Variants in CFAP69 observed in about 807,000 individuals in gnomAD.
CFAP69 encodes cilia- and flagella-associated protein 69.
A neutral mutation model predicts 123.0 loss-of-function variants in CFAP69; 92 were observed. That is an observed-to-expected ratio of 0.75 (90% CI 0.63 to 0.89). The LOEUF (loss-of-function observed/expected upper bound fraction) is 0.89. CFAP69 is among the 40% of genes least tolerant of loss of function. The probability of loss-of-function intolerance (pLI) is 0.00; values close to 1 mark genes in which losing one functional copy is unlikely to be tolerated. For missense variants in CFAP69, 1,067 were observed against 1,096.9 expected (o/e 0.97, Z 0.39); for synonymous variants, 380 against 364.3 (o/e 1.04, Z -0.49).
chr7:90,293,688 G>C (rs1446550716), intron 15 of CFAP69, among the ~76,000 whole-genome samples: 1 of 152,106 alleles, frequency 6.6e-6, no homozygotes, highest in Non-Finnish European at 1.5e-5. Flanking sequence ...TCAAATACTT[G>C]TTACGCTGTT....
the CFAP69 span, among the ~76,000 whole-genome samples, chr7:90,323,452 G>A: frequency 6.6e-6 from 1 of 152,154 alleles, no homozygotes; most frequent in Non-Finnish European, 1.5e-5. Context: ...GGTATCTACA[G>A]TAAAAAGTGA....
At chr7:90,260,987 G>A (rs1467572060) in intron 3 of CFAP69, among the ~76,000 whole-genome samples, 1 of 152,068 alleles carries the variant, frequency 6.6e-6, no homozygotes, top group East Asian at 1.9e-4. Flanking sequence ...AAAAGGCTAG[G>A]AGTAATAAGA....
chr7:90,250,154 G>A (rs1796789154), intron 1 of CFAP69, among the ~76,000 whole-genome samples: 1 of 149,166 alleles, frequency 6.7e-6, no homozygotes, highest in African/African-American at 2.5e-5. Flanking sequence ...GCTAGCCTGG[G>A]CAACATAGGG....
chr7:90,321,627 C>G, the CFAP69 span, among the ~76,000 whole-genome samples: 1 of 151,844 alleles, frequency 6.6e-6, no homozygotes, highest in African/African-American at 2.4e-5. Context: ...CCCACCCATG[C>G]TCCACACCGT....
At position 90,288,243 on chromosome 7, in the gene CFAP69, G is replaced by A. The variant is rs369319931; in HGVS notation, c.1666G>A (p.Gly556Arg). ...ENHIQRKEIF[G>R]TEGVDIVLHV... ...CAAATATCTTAAACAGGAAATTTTC[G>A]GAACTGAAGGAGTAGATATCGTTCT... Residue 556 changes from glycine (G) to arginine (R), a missense_variant, in exon 15 of 23, where the codon GGA becomes AGA. Coordinates refer to ENST00000389297, the MANE Select transcript of CFAP69 (RefSeq NM_001039706.3). The A allele has an allele frequency of 1.3e-4, 209 of 1,602,596 alleles. No homozygotes were observed. The highest frequency in any genetic ancestry group is 1.5e-4 in the Non-Finnish European group (180 of 1,172,462).
At chr7:90,257,186 C>T (rs772339756) in intron 2 of CFAP69, among the ~76,000 whole-genome samples, 10 of 152,008 alleles carry the variant, frequency 6.6e-5, no homozygotes, top group South Asian at 6.2e-4. Flanking sequence ...TGGTACATGA[C>T]GTAGAAAAAA....
rs1218953302 is a variant in CFAP69 at position 90,306,959 on chromosome 7, T to C, written c.2324T>C (p.Val775Ala). 2 of 1,584,320 alleles carry C rather than the reference T, an allele frequency of 1.3e-6. No homozygotes were observed. Among genetic ancestry groups the C allele is most frequent in the East Asian group, 2.2e-5 (1 of 44,628 alleles). The change falls in exon 20 of 23, where the codon GTC (valine) becomes GCC (alanine). Residue 775 changes from valine (V) to alanine (A), a missense_variant. Transcript: ENST00000389297. ...ATAAAATTAGAAAAATTAAGACCAG[T>C]CACTACAGATAAAAAAGCTTTGGAA... ...EEIKLEKLRP[V>A]TTDKKALEAI...
intron 18 of CFAP69, chr7:90,304,407 G>T: frequency 1.0e-6 from 1 of 991,540 alleles, no homozygotes; most frequent in East Asian, 5.2e-5. Context: ...AGTCACTTGA[G>T]TTTTTTTTTT....
In CFAP69 at chr7:90,268,269, G is replaced by A. The variant is rs1016650925; in HGVS notation, c.434-17G>A. On this transcript the variant is annotated splice_polypyrimidine_tract_variant and intron_variant, in intron 5 of 22. Coordinates refer to ENST00000389297, the MANE Select transcript of CFAP69 (RefSeq NM_001039706.3). Reference sequence around the variant, plus strand: ...ATGACAGTGTTGTTAAATAGCACCTGTTTATCTTTCTGGCAGGTGACTTAA... The same window carrying A: ...ATGACAGTGTTGTTAAATAGCACCTATTTATCTTTCTGGCAGGTGACTTAA... The A allele has an allele frequency of 7.1e-6, 11 of 1,551,308 alleles. No homozygotes were observed. The African/African-American group carries it at 1.4e-4, about 19-fold the overall frequency.
At chr7:90,252,395 T>C (rs1562835494) in intron 1 of CFAP69, among the ~76,000 whole-genome samples, 1 of 152,154 alleles carries the variant, frequency 6.6e-6, no homozygotes, top group Non-Finnish European at 1.5e-5. Flanking sequence ...TGGCTGGGCA[T>C]GTTGGCTCAT....
In CFAP69 at chr7:90,245,464, G is replaced by T; in HGVS notation, c.40G>T (p.Glu14Ter). 1 of 1,556,948 alleles carries T rather than the reference G, an allele frequency of 6.4e-7. No individual in the cohort carries two copies. The highest frequency in any genetic ancestry group is 8.7e-7 in the Non-Finnish European group (1 of 1,155,002). Residue 14 changes from glutamate to a stop codon, truncating the protein, a stop_gained, in exon 1 of 23, where the codon GAA (glutamate) becomes TAA (stop). Transcript: ENST00000389297. LOFTEE classifies it high-confidence loss of function. Reference sequence around the variant, plus strand: ...AGCCGGGGCGACCGCCGAGGCCCAGGAATCCGGCATCAGGAACAAGTCTAG... The same window carrying T: ...AGCCGGGGCGACCGCCGAGGCCCAGTAATCCGGCATCAGGAACAAGTCTAG... The part of the protein sequence containing the change: ...EEAGATAEAQ[E>*]SGIRNKSSSS...
intron 15 of CFAP69, among the ~76,000 whole-genome samples, chr7:90,294,375 C>T (rs981255551): frequency 4.6e-5 from 7 of 152,140 alleles, no homozygotes; most frequent in Admixed American, 4.6e-4. Context: ...GAACATCATT[C>T]TACTTTTTAC....
intron 13 of CFAP69, among the ~76,000 whole-genome samples, chr7:90,283,796 A>G (rs1405765723): frequency 2.0e-5 from 3 of 152,128 alleles, no homozygotes; most frequent in Admixed American, 1.3e-4. Flanking sequence ...CTAGATGTCA[A>G]TTAATTATAA....
At chr7:90,295,684 T>G (rs1467955715) in intron 15 of CFAP69, among the ~76,000 whole-genome samples, 1 of 151,846 alleles carries the variant, frequency 6.6e-6, no homozygotes, top group Non-Finnish European at 1.5e-5. Flanking sequence ...TCAGGGTGAG[T>G]CCACAGAGTA....
chr7:90,317,766 A>T, the CFAP69 span: 1 of 152,142 alleles, frequency 6.6e-6, no homozygotes, highest in African/African-American at 2.4e-5. Context: ...ATCAAGTCAA[A>T]CCATCAGGCA....
chr7:90,314,852 C>T (rs1794637717), downstream of CFAP69, among the ~76,000 whole-genome samples: 1 of 151,552 alleles, frequency 6.6e-6, no homozygotes, highest in Non-Finnish European at 1.5e-5. Context: ...GTATATCTCC[C>T]AATGCTATCG....
In CFAP69 at chr7:90,299,969, G is replaced by A; in HGVS notation, c.1960G>A (p.Asp654Asn). The A allele has an allele frequency of 6.2e-7, 1 of 1,611,956 alleles. No homozygotes were observed. Among genetic ancestry groups the A allele is most frequent in the Non-Finnish European group, 8.5e-7 (1 of 1,179,036 alleles). Residue 654 changes from aspartate (D) to asparagine (N), a missense_variant, in exon 17 of 23, where the codon GAT becomes AAT. Coordinates refer to ENST00000389297, the MANE Select transcript of CFAP69 (RefSeq NM_001039706.3). ...TGTCAATGCTTGGCAAGGGAAGAAG[G>A]ATCAGACAGCTGCTAGTCTTTTAAT... ...AHVNAWQGKK[D>N]QTAASLLIKL...
chr7:90,314,535 A>C (rs958857597), downstream of CFAP69, among the ~76,000 whole-genome samples: 3 of 151,934 alleles, frequency 2.0e-5, no homozygotes, highest in African/African-American at 7.3e-5. Context: ...AGGCTGAGAT[A>C]GGAGGATCAA....
At chr7:90,262,332 G>T (rs1180357823) in intron 4 of CFAP69, among the ~76,000 whole-genome samples, 1 of 152,024 alleles carries the variant, frequency 6.6e-6, no homozygotes, top group African/African-American at 2.4e-5. Flanking sequence ...TGTAACCAAG[G>T]AATTATAGTA....
Sources: allele counts gnomAD v4.1 joint callset (sites outside exome capture counted in the v4.1 genomes callset), GRCh38; gene constraint gnomAD v4.1.1; transcripts MANE v1.5; gene names NCBI Gene and HGNC (gene_info 2026-07-23, HGNC 2026-07-21).